The following RARB variants were observed in gnomAD, a reference collection of about 807,000 sequenced individuals.
The protein encoded by RARB is HBV-activated protein.
RARB carries 17 observed loss-of-function variants against 51.9 expected under a neutral mutation model. The observed-to-expected ratio is 0.33, with a 90% confidence interval of 0.22 to 0.49. The LOEUF (loss-of-function observed/expected upper bound fraction) is 0.49. Among genes scored for constraint, RARB ranks in the 20% least tolerant of loss-of-function variants. The probability of loss-of-function intolerance (pLI) is 0.99; values close to 1 mark genes in which losing one functional copy is unlikely to be tolerated. For synonymous variants in RARB, 215 were observed against 195.4 expected (o/e 1.10, Z -0.84); for missense variants, 369 against 550.8 (o/e 0.67, Z 3.30).
chr3:25,232,652 C>G (rs942041871), intron 5 of RARB, among the ~76,000 whole-genome samples: 32 of 152,022 alleles, frequency 2.1e-4, no homozygotes, highest in African/African-American at 7.5e-4. Flanking sequence ...ATCTTGACTT[C>G]CAAGTGTGCA....
chr3:25,250,055 AC>A (rs745669962), intron 5 of RARB, among the ~76,000 whole-genome samples: 2 of 151,574 alleles, frequency 1.3e-5, no homozygotes, highest in Non-Finnish European at 2.9e-5. Flanking sequence ...TGGTAGGACA[AC>A]CCTCTGACTC....
chr3:25,181,046 C>A (rs1700850488), intron 5 of RARB, among the ~76,000 whole-genome samples: 1 of 152,154 alleles, frequency 6.6e-6, no homozygotes, highest in Non-Finnish European at 1.5e-5. Context: ...TGGGGCTGGG[C>A]TTGAACTCTT....
intron 2 of RARB, among the ~76,000 whole-genome samples, chr3:24,871,272 T>G (rs1702942879): frequency 2.0e-5 from 3 of 152,152 alleles, no homozygotes; most frequent in Admixed American, 2.0e-4. Flanking sequence ...TTGTTGATGT[T>G]AATGTCTTTT....
At chr3:25,175,734 T>G (rs1161624037) in intron 5 of RARB, among the ~76,000 whole-genome samples, 1 of 152,218 alleles carries the variant, frequency 6.6e-6, no homozygotes, top group African/African-American at 2.4e-5. Context: ...TGATAAACAG[T>G]GACTCGATTT....
At chr3:25,206,914 A>T (rs959046910) in intron 5 of RARB, among the ~76,000 whole-genome samples, 1 of 152,118 alleles carries the variant, frequency 6.6e-6, no homozygotes, top group African/African-American at 2.4e-5. Context: ...AGGTGCACCC[A>T]CAGCTACTTG....
intron 3 of RARB, among the ~76,000 whole-genome samples, chr3:25,514,574 T>G (rs1488564141): frequency 6.6e-6 from 1 of 152,204 alleles, no homozygotes; most frequent in Non-Finnish European, 1.5e-5. Flanking sequence ...TTATTGATAT[T>G]GGAAAATGCA....
chr3:25,064,512 A>G (rs539426275), intron 3 of RARB, among the ~76,000 whole-genome samples: 73 of 152,272 alleles, frequency 4.8e-4, no homozygotes, highest in African/African-American at 1.6e-3. Context: ...TGTCTTATAG[A>G]ATTACCGAGA....
intron 2 of RARB, among the ~76,000 whole-genome samples, chr3:24,940,698 G>A (rs1695646020): frequency 1.3e-5 from 2 of 152,254 alleles, no homozygotes; most frequent in African/African-American, 4.8e-5. Context: ...GGAGGGAAAG[G>A]CATGGACCAT....
At chr3:25,526,679 G>C (rs1388993618) in intron 3 of RARB, among the ~76,000 whole-genome samples, 1 of 152,198 alleles carries the variant, frequency 6.6e-6, no homozygotes, top group African/African-American at 2.4e-5. Flanking sequence ...TGGATGGCTG[G>C]ATGGATGGAT....
intron 2 of RARB, among the ~76,000 whole-genome samples, chr3:24,892,475 T>C (rs7646119): frequency 0.73 from 111,117 of 152,112 alleles, 41,631 homozygotes; most frequent in East Asian, 0.88. Context: ...AATATGTTCC[T>C]TGCATTTTCA....
At chr3:25,059,957 C>G (rs988268) in intron 2 of RARB, among the ~76,000 whole-genome samples, 133,736 of 151,724 alleles carry the variant, frequency 0.88, 59,224 homozygotes, top group African/African-American at 0.96. Context: ...CACTAGAAAT[C>G]GTAAATAGAA....
chr3:24,833,995 CTATT>C (rs1702312626), intron 1 of RARB, among the ~76,000 whole-genome samples: 1 of 152,202 alleles, frequency 6.6e-6, no homozygotes, highest in Non-Finnish European at 1.5e-5. Flanking sequence ...ACTAGTATCA[CTATT>C]TAAAGATAAA....
intron 2 of RARB, among the ~76,000 whole-genome samples, chr3:24,898,410 A>T (rs1419336175): frequency 6.6e-6 from 1 of 151,258 alleles, no homozygotes; most frequent in Non-Finnish European, 1.5e-5. Flanking sequence ...ATAATTTCAG[A>T]GTGTTAGCAT....
rs549751876 is a variant in RARB, at chr3:25,245,774, G to T, written c.178+71199G>T. Among the ~76,000 whole-genome samples the T allele has an allele frequency of 7.9e-5, 12 of 152,130 alleles. 1 individual carries two copies. In the South Asian group the frequency reaches 2.5e-3, roughly 32 times the overall value. On this transcript the variant is annotated intron_variant, in intron 5 of 11. Transcript: ENST00000383772. ...TTTCAATCTTGGTGAATCTGACGAT[G>T]ATGTGTCTTGGGGTTGCTCTTCTCG...
At chr3:25,307,046 A>G (rs1214149301) in intron 5 of RARB, among the ~76,000 whole-genome samples, 1 of 152,190 alleles carries the variant, frequency 6.6e-6, no homozygotes, top group East Asian at 1.9e-4. Flanking sequence ...TGTAGTCTAG[A>G]AAACACTCAT....
At chr3:25,425,269 C>T (rs77692179), upstream of RARB, among the ~76,000 whole-genome samples, 4,305 of 152,152 alleles carry the variant, frequency 0.028, 199 homozygotes, top group African/African-American at 0.097. Flanking sequence ...TTATAGTGCA[C>T]GGATCTGTAT....
chr3:25,547,841 C>CT (rs1008313172), intron 3 of RARB, among the ~76,000 whole-genome samples: 19 of 151,998 alleles, frequency 1.3e-4, no homozygotes, highest in African/African-American at 4.3e-4. Flanking sequence ...TCATTGTATC[C>CT]TTTTTTTTCT....
At chr3:25,367,258 C>T (rs546633808) in intron 5 of RARB, among the ~76,000 whole-genome samples, 1 of 152,126 alleles carries the variant, frequency 6.6e-6, no homozygotes, top group African/African-American at 2.4e-5. Context: ...GCTATGGTAG[C>T]ATTTGAGCAA....
intron 5 of RARB, among the ~76,000 whole-genome samples, chr3:25,256,153 T>C (rs550032924): frequency 6.5e-4 from 99 of 152,178 alleles, no homozygotes; most frequent in Non-Finnish European, 1.2e-3. Flanking sequence ...GCTGCTGCTG[T>C]TGTTCAAAAA....
Sources: gnomAD v4.1 joint callset for allele counts (sites outside exome capture counted in the v4.1 genomes callset) on GRCh38, gnomAD v4.1.1 for gene constraint, MANE v1.5 for transcripts, NCBI Gene and HGNC (gene_info 2026-07-23, HGNC 2026-07-21) for gene names.